The following FAM13A variants were observed in gnomAD, a reference collection of about 807,000 sequenced individuals.
FAM13A encodes protein FAM13A.
Under a neutral mutation model 129.6 loss-of-function variants are expected in FAM13A, and 76 were observed. The observed-to-expected ratio is 0.59, with a 90% CI of 0.49 to 0.71. FAM13A has a LOEUF of 0.71. Ranked by LOEUF, FAM13A falls within the 30% of genes least tolerant of loss-of-function variation. The pLI is 0.00. For synonymous variants in FAM13A, 443 were observed against 449.9 expected (o/e 0.98, Z 0.20); for missense variants, 1,108 against 1,249.3 (o/e 0.89, Z 1.70).
At chr4:88,925,599 C>T (rs966549504) in intron 5 of FAM13A, among the ~76,000 whole-genome samples, 5 of 151,196 alleles carry the variant, frequency 3.3e-5, no homozygotes, top group East Asian at 2.0e-4. Context: ...TGCTAAATGT[C>T]GAGTTAATGG....
At chr4:88,778,290 T>G (rs1722163052) in intron 11 of FAM13A, among the ~76,000 whole-genome samples, 1 of 152,230 alleles carries the variant, frequency 6.6e-6, no homozygotes. Context: ...ACGTCTATCT[T>G]CCTCATCTCA....
intron 7 of FAM13A, among the ~76,000 whole-genome samples, chr4:88,826,860 C>T (rs901316489): frequency 6.6e-6 from 1 of 152,130 alleles, no homozygotes; most frequent in Admixed American, 6.5e-5. Flanking sequence ...CCTGGTCTCT[C>T]CTACATCTTG....
chr4:88,770,106 G>A (rs1720341227), intron 11 of FAM13A, among the ~76,000 whole-genome samples: 1 of 152,132 alleles, frequency 6.6e-6, no homozygotes, highest in Non-Finnish European at 1.5e-5. Flanking sequence ...AGAATACTAA[G>A]CATTAATTTA....
intron 1 of FAM13A, among the ~76,000 whole-genome samples, chr4:89,055,384 G>C (rs1158739255): frequency 6.6e-6 from 1 of 152,178 alleles, no homozygotes; most frequent in Non-Finnish European, 1.5e-5. Context: ...TCATCTACCA[G>C]AGTGAATAAT....
chr4:88,922,725 GAC>G (rs1260108719), intron 5 of FAM13A, among the ~76,000 whole-genome samples: 1 of 152,064 alleles, frequency 6.6e-6, no homozygotes, highest in Non-Finnish European at 1.5e-5. Context: ...AGGAAATAGA[GAC>G]ACAAAAAACC....
chr4:88,846,980 G>T (rs1736756533), intron 7 of FAM13A, among the ~76,000 whole-genome samples: 2 of 151,920 alleles, frequency 1.3e-5, no homozygotes, highest in Non-Finnish European at 2.9e-5. Flanking sequence ...AACATGATTT[G>T]GTTACTTCAA....
At position 89,029,576 on chromosome 4, in the gene FAM13A, T is replaced by C; in HGVS notation, c.101A>G (p.Asp34Gly). The C allele has an allele frequency of 6.3e-7, 1 of 1,592,458 alleles. No homozygotes were observed. Among genetic ancestry groups the C allele is most frequent in the Middle Eastern group, 1.7e-4 (1 of 6,000 alleles). The change falls in exon 2 of 24, where the codon GAT (aspartate) becomes GGT (glycine). Residue 34 changes from aspartate (D) to glycine (G), a missense_variant. Asp to Gly is a moderately conservative substitution (Grantham distance 94, BLOSUM62 -1). Coordinates refer to ENST00000264344, the MANE Select transcript of FAM13A (RefSeq NM_014883.4). ...TCCAAATAACTTCTGATAGGTAAAA[T>C]CCTTCTGTTCATTTAATGGCACTGC... ...IVAVPLNEQKDFTYQKLFGVS... is the reference protein window; with the variant it reads ...IVAVPLNEQKGFTYQKLFGVS...
At chr4:88,931,391 G>T (rs1753009648) in intron 5 of FAM13A, among the ~76,000 whole-genome samples, 1 of 152,112 alleles carries the variant, frequency 6.6e-6, no homozygotes, top group African/African-American at 2.4e-5. Flanking sequence ...GCCTGTTCCA[G>T]AGTGTGGAGC....
At chr4:88,856,467 G>A (rs77033326) in intron 6 of FAM13A, among the ~76,000 whole-genome samples, 1,882 of 152,156 alleles carry the variant, frequency 0.012, 16 homozygotes, top group Non-Finnish European at 0.021. Context: ...CTGTGTGACA[G>A]AGTGAGACCC....
At chr4:89,040,076 A>G (rs1769913156) in intron 1 of FAM13A, among the ~76,000 whole-genome samples, 1 of 152,232 alleles carries the variant, frequency 6.6e-6, no homozygotes, top group South Asian at 2.1e-4. Flanking sequence ...ATACCATATC[A>G]TAACATCATG....
At chr4:88,734,402 C>T (rs1220214219) in intron 21 of FAM13A, among the ~76,000 whole-genome samples, 1 of 152,036 alleles carries the variant, frequency 6.6e-6, no homozygotes, top group East Asian at 1.9e-4. Context: ...TAATACAAAG[C>T]GGGTAGGGAT....
intron 4 of FAM13A, among the ~76,000 whole-genome samples, chr4:88,977,481 T>C (rs1324778008): frequency 6.6e-6 from 1 of 152,162 alleles, no homozygotes; most frequent in African/African-American, 2.4e-5. Context: ...GTTTCTCTTA[T>C]CAGCACTAAC....
chr4:88,756,849 G>A (rs1004639755), intron 14 of FAM13A, among the ~76,000 whole-genome samples: 1 of 151,568 alleles, frequency 6.6e-6, no homozygotes, highest in African/African-American at 2.4e-5. Context: ...AAAAAAAAAG[G>A]TCACTGAAAG....
intron 1 of FAM13A, among the ~76,000 whole-genome samples, chr4:89,041,505 T>TA (rs1770120372): frequency 6.6e-6 from 1 of 152,174 alleles, no homozygotes; most frequent in South Asian, 2.1e-4. Context: ...AGCGTTCCAA[T>TA]AATGGAACAC....
chr4:88,841,356 T>C (rs1241708311), intron 7 of FAM13A, among the ~76,000 whole-genome samples: 1 of 151,954 alleles, frequency 6.6e-6, no homozygotes, highest in Non-Finnish European at 1.5e-5. Flanking sequence ...TAGCCAGGCA[T>C]GGTGGCATGC....
chr4:89,000,797 G>C (rs1048199628), intron 3 of FAM13A, among the ~76,000 whole-genome samples: 3 of 152,238 alleles, frequency 2.0e-5, no homozygotes, highest in African/African-American at 7.2e-5. Flanking sequence ...AAAGATGACA[G>C]ATCATTTCAG....
At chr4:88,972,649 C>T (rs1485946177) in intron 4 of FAM13A, among the ~76,000 whole-genome samples, 3 of 151,640 alleles carry the variant, frequency 2.0e-5, no homozygotes, top group Admixed American at 1.3e-4. Context: ...ACTCTGTTGC[C>T]TAGGCTGGAG....
intron 4 of FAM13A, among the ~76,000 whole-genome samples, chr4:88,973,032 G>A (rs1274034448): frequency 6.6e-6 from 1 of 152,058 alleles, no homozygotes; most frequent in East Asian, 1.9e-4. Flanking sequence ...CAGATGTAGA[G>A]CTTACCTCTT....
At chr4:88,996,013 T>C (rs1763494549) in intron 3 of FAM13A, among the ~76,000 whole-genome samples, 1 of 152,130 alleles carries the variant, frequency 6.6e-6, no homozygotes, top group Non-Finnish European at 1.5e-5. Flanking sequence ...TCTGATACCA[T>C]GACATTTGAG....
Sources: gnomAD v4.1 joint callset for allele counts (sites outside exome capture counted in the v4.1 genomes callset) on GRCh38, gnomAD v4.1.1 for gene constraint, MANE v1.5 for transcripts, NCBI Gene and HGNC (gene_info 2026-07-23, HGNC 2026-07-21) for gene names.